Variants in ATRNL1 observed in about 807,000 individuals in gnomAD.
The protein encoded by ATRNL1 is attractin-like protein 1.
ATRNL1 carries 95 observed loss-of-function variants against 182.7 expected under a neutral mutation model. The ratio of observed to expected loss-of-function variants is 0.52; its 90% CI spans 0.44 to 0.62. ATRNL1 has a LOEUF of 0.62. Ranked by LOEUF, ATRNL1 falls within the 20% of genes least tolerant of loss-of-function variation. The pLI is 0.00. For missense variants in ATRNL1, 1,471 were observed against 1,679.5 expected (o/e 0.88, Z 2.17); for synonymous variants, 576 against 568.3 (o/e 1.01, Z -0.19).
At chr10:115,372,385 C>G (rs991376513) in intron 19 of ATRNL1, among the ~76,000 whole-genome samples, 6 of 151,808 alleles carry the variant, frequency 4.0e-5, no homozygotes, top group African/African-American at 1.2e-4. Context: ...TCCCATTTGT[C>G]TATATTTTTT....
At chr10:115,576,499 T>C (rs573578380) in intron 26 of ATRNL1, among the ~76,000 whole-genome samples, 1 of 152,200 alleles carries the variant, frequency 6.6e-6, no homozygotes, top group South Asian at 2.1e-4. Flanking sequence ...TGTTGAGCAC[T>C]TTTCCATATA....
chr10:115,195,863 A>G (rs1411516851), intron 8 of ATRNL1, among the ~76,000 whole-genome samples: 1 of 152,068 alleles, frequency 6.6e-6, no homozygotes, highest in Non-Finnish European at 1.5e-5. Flanking sequence ...TTCTATCTAA[A>G]AGACCTTTGC....
intron 26 of ATRNL1, among the ~76,000 whole-genome samples, chr10:115,565,059 C>T (rs898529442): frequency 6.6e-6 from 1 of 151,916 alleles, no homozygotes; most frequent in African/African-American, 2.4e-5. Flanking sequence ...ATTTCTAATG[C>T]ACTTAGAATA....
At chr10:115,862,373 T>C (rs541235786) in intron 28 of ATRNL1, among the ~76,000 whole-genome samples, 1 of 152,344 alleles carries the variant, frequency 6.6e-6, no homozygotes, top group African/African-American at 2.4e-5. Flanking sequence ...AGAATCATCA[T>C]GTTTTGTCAG....
At chr10:115,115,051 T>C (rs1844421735) in intron 1 of ATRNL1, among the ~76,000 whole-genome samples, 1 of 152,054 alleles carries the variant, frequency 6.6e-6, no homozygotes, top group African/African-American at 2.4e-5. Context: ...ATTCAGCCTA[T>C]AAAGGGACAA....
intron 27 of ATRNL1, among the ~76,000 whole-genome samples, chr10:115,824,663 A>G (rs1555091439): frequency 6.6e-6 from 1 of 152,194 alleles, no homozygotes; most frequent in Non-Finnish European, 1.5e-5. Flanking sequence ...CAAACATATG[A>G]AAAAAAGCTC....
rs543576968 is a variant in ATRNL1, at chr10:115,708,648, G to A, written c.3796-18600G>A. On this transcript the variant is annotated intron_variant, in intron 26 of 28. Coordinates refer to ENST00000355044, the MANE Select transcript of ATRNL1 (RefSeq NM_207303.4). ...CATATCTGATACATCATTGTCTGAA[G>A]GTATGCTTGCGTCATTTCCAATTAA... Among the ~76,000 whole-genome samples the A allele has an allele frequency of 8.7e-4, 132 of 151,746 alleles. 1 individual carries two copies. The highest frequency in any genetic ancestry group is 3.4e-3 in the Middle Eastern group (1 of 294).
At chr10:115,704,918 C>A (rs1946850000) in intron 26 of ATRNL1, among the ~76,000 whole-genome samples, 1 of 151,652 alleles carries the variant, frequency 6.6e-6, no homozygotes, top group Non-Finnish European at 1.5e-5. Context: ...CTTTCTCTTT[C>A]TTCTCCTAGT....
chr10:115,594,190 G>T lies in ATRNL1; in HGVS notation c.3795+44654G>T, dbSNP rs2769401. ...TATTCTTTGATATCCAAAAGCAATA[G>T]TACTTCAAGATTCTAAGTACTATAA... is the stretch of plus-strand genomic sequence containing the variant. On this transcript the variant is annotated intron_variant, in intron 26 of 28. Coordinates refer to ENST00000355044, the MANE Select transcript of ATRNL1 (RefSeq NM_207303.4). 2.0e-5 allele frequency among the ~76,000 whole-genome samples: 3 copies of T among 151,880 alleles called. No individual in the cohort carries two copies. In the East Asian group the frequency reaches 5.8e-4, roughly 29 times the overall value.
chr10:115,107,753 T>TA (rs1335960453), intron 1 of ATRNL1, among the ~76,000 whole-genome samples: 1 of 152,252 alleles, frequency 6.6e-6, no homozygotes, highest in Non-Finnish European at 1.5e-5. Context: ...TGGCACCACA[T>TA]GGATGGATAC....
chr10:115,289,202 T>C (rs146297334), intron 15 of ATRNL1, among the ~76,000 whole-genome samples: 4,804 of 152,124 alleles, frequency 0.032, 277 homozygotes, highest in African/African-American at 0.11. Flanking sequence ...TTCACTATCA[T>C]GAGAACAGCA....
At chr10:115,375,855 A>T (rs1857642167) in intron 19 of ATRNL1, among the ~76,000 whole-genome samples, 1 of 152,124 alleles carries the variant, frequency 6.6e-6, no homozygotes, top group Non-Finnish European at 1.5e-5. Flanking sequence ...ACTACAGCTA[A>T]AAGTGATTTA....
intron 28 of ATRNL1, among the ~76,000 whole-genome samples, chr10:115,933,759 A>G (rs987039486): frequency 6.6e-6 from 1 of 152,246 alleles, no homozygotes; most frequent in Non-Finnish European, 1.5e-5. Context: ...TCCACAGGTT[A>G]TAACTAGCTA....
chr10:115,565,003 ACTTTATAT>A (rs1853991142), intron 26 of ATRNL1, among the ~76,000 whole-genome samples: 1 of 152,014 alleles, frequency 6.6e-6, no homozygotes, highest in Non-Finnish European at 1.5e-5. Flanking sequence ...CATTTTGAAC[ACTTTATAT>A]CTTTATTTCT....
intron 19 of ATRNL1, among the ~76,000 whole-genome samples, chr10:115,374,292 A>G (rs1857544659): frequency 6.6e-6 from 1 of 151,634 alleles, no homozygotes; most frequent in African/African-American, 2.4e-5. Flanking sequence ...CAAAGGAAAA[A>G]ACTCTTAGTT....
intron 28 of ATRNL1, among the ~76,000 whole-genome samples, chr10:115,849,307 G>C (rs1405787262): frequency 6.6e-6 from 1 of 152,138 alleles, no homozygotes; most frequent in South Asian, 2.1e-4. Context: ...TTTGGCACTG[G>C]TCAGATAAGA....
intron 1 of ATRNL1, among the ~76,000 whole-genome samples, chr10:115,106,030 C>T (rs2143478676): frequency 6.6e-6 from 1 of 152,234 alleles, no homozygotes; most frequent in East Asian, 1.9e-4. Context: ...GCACCATGTG[C>T]CTGGAAAAGC....
intron 26 of ATRNL1, among the ~76,000 whole-genome samples, chr10:115,705,069 T>G (rs1555052688): frequency 1.3e-5 from 2 of 151,902 alleles, no homozygotes; most frequent in African/African-American, 4.8e-5. Flanking sequence ...GATTTATGTG[T>G]ACTGAAGACA....
intron 24 of ATRNL1, among the ~76,000 whole-genome samples, chr10:115,469,542 T>C (rs1396130026): frequency 6.6e-6 from 1 of 150,626 alleles, no homozygotes; most frequent in Non-Finnish European, 1.5e-5. Context: ...ACTTAAATTT[T>C]TCAGTGATTA....
Sources: gnomAD v4.1 joint callset for allele counts (sites outside exome capture counted in the v4.1 genomes callset) on GRCh38, gnomAD v4.1.1 for gene constraint, MANE v1.5 for transcripts, NCBI Gene and HGNC (gene_info 2026-07-23, HGNC 2026-07-21) for gene names.